The following LTBP1 variants were observed in gnomAD, a reference collection of about 807,000 sequenced individuals.
LTBP1 encodes latent-transforming growth factor beta-binding protein 1.
Under a neutral mutation model 207.6 loss-of-function variants are expected in LTBP1, and 129 were observed. The observed-to-expected ratio is 0.62, with a 90% CI of 0.54 to 0.72. The LOEUF (loss-of-function observed/expected upper bound fraction) is 0.72. LTBP1 is among the 30% of genes least tolerant of loss of function. The pLI is 0.00. For missense variants in LTBP1, 2,281 were observed against 2,217.2 expected (o/e 1.03, Z -0.58); for synonymous variants, 963 against 833.7 (o/e 1.16, Z -2.67).
chr2:33,048,774 A>C (rs1161559169), intron 3 of LTBP1, among the ~76,000 whole-genome samples: 1 of 152,198 alleles, frequency 6.6e-6, no homozygotes, highest in Non-Finnish European at 1.5e-5. Context: ...AGATGATAGG[A>C]TATTAAATAG....
chr2:33,360,655 C>G lies in LTBP1; in HGVS notation c.4059C>G (p.Leu1353=), dbSNP rs979766287. The change falls in exon 27 of 34, where the codon CTC becomes CTG. Residue 1353 remains leucine, a synonymous_variant. Coordinates refer to ENST00000404816, the MANE Select transcript of LTBP1 (RefSeq NM_206943.4). ...KEEKKECYYN[L]NDASLCDNVL... The stretch of plus-strand genomic sequence containing the variant: ...AAAAGAAAGAATGCTACTATAATCT[C>G]AATGACGCCAGTCTCTGTGATAATG... 1 of 1,613,766 alleles carries G rather than the reference C, an allele frequency of 6.2e-7. No homozygotes were observed.
intron 5 of LTBP1, among the ~76,000 whole-genome samples, chr2:33,175,524 G>A (rs996618917): frequency 2.0e-5 from 3 of 152,198 alleles, no homozygotes; most frequent in Admixed American, 2.0e-4. Flanking sequence ...GAGAGGGTGT[G>A]GAGAAACAGG....
chr2:33,031,426 T>C (rs996940300), intron 3 of LTBP1, among the ~76,000 whole-genome samples: 1 of 152,228 alleles, frequency 6.6e-6, no homozygotes, highest in Non-Finnish European at 1.5e-5. Context: ...AGATATTTAC[T>C]GAGTGCCATC....
chr2:33,040,698 C>G (rs1651248988), intron 3 of LTBP1, among the ~76,000 whole-genome samples: 1 of 152,202 alleles, frequency 6.6e-6, no homozygotes, highest in Non-Finnish European at 1.5e-5. Flanking sequence ...ATTTTGCATG[C>G]ATTACTTGTG....
intron 2 of LTBP1, among the ~76,000 whole-genome samples, chr2:32,997,689 C>A (rs1229035089): frequency 6.6e-6 from 1 of 152,152 alleles, no homozygotes; most frequent in African/African-American, 2.4e-5. Flanking sequence ...AGGGCCAGGA[C>A]AACTCCAAAG....
chr2:33,324,047 C>T (rs149384912), intron 24 of LTBP1, among the ~76,000 whole-genome samples: 11 of 152,016 alleles, frequency 7.2e-5, no homozygotes, highest in East Asian at 1.9e-4. Flanking sequence ...GGCAAGTATC[C>T]GCCGAGAATG....
chr2:33,300,228 G>T (rs1558972146), intron 20 of LTBP1, among the ~76,000 whole-genome samples: 1 of 152,094 alleles, frequency 6.6e-6, no homozygotes, highest in Non-Finnish European at 1.5e-5. Context: ...ATTATAAATA[G>T]CTTATTGATT....
In LTBP1 at chr2:33,188,604, T is replaced by C; in HGVS notation, c.1454T>C (p.Ile485Thr). Residue 485 changes from isoleucine (I) to threonine (T), a missense_variant, in exon 7 of 34, where the codon ATC becomes ACC. Transcript: ENST00000404816. ...KVKFPPNIVN[I>T]HVKHPPEASV... ...AAATTTCCTCCTAACATAGTCAATA[T>C]CCATGTGAAACATCCTCCTGAAGCT... is the stretch of plus-strand genomic sequence containing the variant. 2 of 1,613,674 alleles carry C rather than the reference T, an allele frequency of 1.2e-6. No individual in the cohort carries two copies. The highest frequency in any genetic ancestry group is 1.7e-6 in the Non-Finnish European group (2 of 1,179,950).
chr2:33,355,319 C>A (rs1235177877), intron 26 of LTBP1, among the ~76,000 whole-genome samples: 1 of 152,104 alleles, frequency 6.6e-6, no homozygotes, highest in East Asian at 1.9e-4. Context: ...AGTTCCAGGG[C>A]CCCCACTGAT....
chr2:33,121,691 A>T (rs2081132802), intron 4 of LTBP1, among the ~76,000 whole-genome samples: 1 of 152,152 alleles, frequency 6.6e-6, no homozygotes, highest in South Asian at 2.1e-4. Context: ...TTACGGCGTA[A>T]TCCTCCCCCA....
chr2:33,279,677 C>A (rs561623500), intron 18 of LTBP1, among the ~76,000 whole-genome samples: 2 of 152,204 alleles, frequency 1.3e-5, no homozygotes, highest in Admixed American at 6.5e-5. Flanking sequence ...CTTCCTCACA[C>A]TCACCCCCAT....
In LTBP1 at chr2:33,344,954, C is replaced by T. The variant is rs370957257; in HGVS notation, c.3856+1991C>T. Reference sequence around the variant, plus strand: ...AACCAGCCAGATGAGCACACCAAACCCATGCTGACATTTCAGCTTGGCACA... The same window carrying T: ...AACCAGCCAGATGAGCACACCAAACTCATGCTGACATTTCAGCTTGGCACA... On this transcript the variant is annotated intron_variant, in intron 25 of 33. Transcript: ENST00000404816. Among the ~76,000 whole-genome samples, 143 of 152,302 alleles carry T rather than the reference C, an allele frequency of 9.4e-4. 4 individuals are homozygous for T. In the South Asian group the frequency reaches 0.027, roughly 29 times the overall value.
intron 26 of LTBP1, among the ~76,000 whole-genome samples, chr2:33,351,567 T>A (rs1025533283): frequency 6.6e-6 from 1 of 152,218 alleles, no homozygotes; most frequent in Non-Finnish European, 1.5e-5. Context: ...TGAAAGGACA[T>A]CCATATTCCC....
At chr2:33,219,376 C>T (rs940040664) in intron 8 of LTBP1, among the ~76,000 whole-genome samples, 1 of 152,124 alleles carries the variant, frequency 6.6e-6, no homozygotes, top group Non-Finnish European at 1.5e-5. Flanking sequence ...ATTTTGGCAA[C>T]CTGACCAAAG....
In LTBP1 at chr2:32,947,680, A is replaced by C; in HGVS notation, c.356A>C (p.His119Pro). ...ARPAVPGGQLHPNPGGHPAAA... is the reference protein window; with the variant it reads ...ARPAVPGGQLPPNPGGHPAAA... ...CCCGCGGTCCCCGGCGGGCAGCTCC[A>C]CCCCAATCCCGGCGGCCACCCGGCA... Residue 119 changes from histidine to proline, a missense_variant, in exon 1 of 34, where the codon CAC (histidine) becomes CCC (proline). Around this residue, in one of 3 missense-constraint regions of LTBP1, gnomAD observed 555 missense variants for 491.0 expected, o/e 1.13. Coordinates refer to ENST00000404816, the MANE Select transcript of LTBP1 (RefSeq NM_206943.4). 6.7e-7 allele frequency: 1 copy of C among 1,488,094 alleles called. No homozygotes were observed. Among genetic ancestry groups the C allele is most frequent in the Non-Finnish European group, 9.0e-7 (1 of 1,117,042 alleles). The allele number at this position is 1,488,094 out of a possible 1,614,324, so 92.2% of individuals were successfully genotyped here.
In LTBP1 at chr2:33,290,957, G is replaced by A. The variant is rs771254641; in HGVS notation, c.3113-2203G>A. Among the ~76,000 whole-genome samples the A allele has an allele frequency of 5.9e-5, 9 of 152,170 alleles. No homozygotes were observed. The South Asian group carries it at 8.3e-4, about 14-fold the overall frequency. On this transcript the variant is annotated intron_variant, in intron 19 of 33. Coordinates refer to ENST00000404816, the MANE Select transcript of LTBP1 (RefSeq NM_206943.4). ...ATTTGCATCCACCAAGTGTTTTTAC[G>A]TGTGGTTCCTCTCTGGAGACCTTCC...
chr2:33,151,599 T>G (rs908218954), intron 5 of LTBP1, among the ~76,000 whole-genome samples: 2 of 152,116 alleles, frequency 1.3e-5, no homozygotes, highest in African/African-American at 4.8e-5. Context: ...TTGTAGTCTT[T>G]CATCCCTTGC....
chr2:32,978,561 G>C (rs948166784), intron 2 of LTBP1, among the ~76,000 whole-genome samples: 5 of 151,926 alleles, frequency 3.3e-5, no homozygotes, highest in Non-Finnish European at 5.9e-5. Flanking sequence ...ACTTGGTCAT[G>C]ATGAATGATC....
chr2:33,186,644 AGAGTTAAAT>A (rs1425675068), intron 5 of LTBP1, among the ~76,000 whole-genome samples: 1 of 152,230 alleles, frequency 6.6e-6, no homozygotes, highest in Non-Finnish European at 1.5e-5. Context: ...AAGCTATTAA[AGAGTTAAAT>A]GACTTAAGAT....
Sources: gnomAD v4.1 joint callset for allele counts (sites outside exome capture counted in the v4.1 genomes callset) on GRCh38, gnomAD v4.1.1 for gene constraint, gnomAD v4.1.1 regional missense constraint, MANE v1.5 for transcripts, NCBI Gene and HGNC (gene_info 2026-07-23, HGNC 2026-07-21) for gene names.